The following PCDHA7 variants were observed in gnomAD, a reference collection of about 807,000 sequenced individuals.
PCDHA7 encodes protocadherin alpha 7.
Under a neutral mutation model 57.2 loss-of-function variants are expected in PCDHA7, and 37 were observed. That is an observed-to-expected ratio of 0.65 (90% CI 0.50 to 0.85). PCDHA7 has a LOEUF of 0.85. Among genes scored for constraint, PCDHA7 ranks in the 40% least tolerant of loss-of-function variants. The pLI is 0.00. For synonymous variants in PCDHA7, 553 were observed against 558.8 expected, an observed-to-expected ratio of 0.99 and a Z score of 0.15; for missense variants, 1,188 against 1,241.8, an observed-to-expected ratio of 0.96 and a Z score of 0.65.
At chr5:140,858,877 T>C (rs1192816588) in intron 1 of PCDHA7, 1 of 245,498 alleles carries the variant, frequency 4.1e-6, no homozygotes, top group Non-Finnish European at 7.9e-6. Context: ...TGTGTTTTCC[T>C]CCATGTGTAG....
chr5:140,869,502 C>T lies in PCDHA7; in HGVS notation c.2355+32764C>T, dbSNP rs2051182557. 3 of 1,614,090 alleles carry T rather than the reference C, an allele frequency of 1.9e-6. No homozygotes were observed. In the African/African-American group the frequency reaches 4.0e-5, roughly 22 times the overall value. On this transcript the variant is annotated intron_variant, in intron 1 of 3. Transcript: ENST00000525929. Reference sequence around the variant, plus strand: ...ACATTAACGACAACCCGCCGGTGTTCTCGCTCAGAGAACAAAAGCTGCTGA... The same window carrying T: ...ACATTAACGACAACCCGCCGGTGTTTTCGCTCAGAGAACAAAAGCTGCTGA...
At chr5:141,004,492 A>G (rs2098168083) in intron 3 of PCDHA7, among the ~76,000 whole-genome samples, 2 of 152,230 alleles carry the variant, frequency 1.3e-5, no homozygotes, top group South Asian at 2.1e-4. Context: ...AACTCTTGGC[A>G]GTCCTGCTGT....
rs1554178111 is a variant in PCDHA7 at position 140,883,417 on chromosome 5, A to G, written c.2355+46679A>G. On this transcript the variant is annotated intron_variant, in intron 1 of 3. Transcript: ENST00000525929. Reference sequence around the variant, plus strand: ...CCGATCGTGACTCTGGCTCAAATGGACAGGTCACCTGCACCTTGACGCCGC... The same window carrying G: ...CCGATCGTGACTCTGGCTCAAATGGGCAGGTCACCTGCACCTTGACGCCGC... 3.1e-6 allele frequency: 5 copies of G among 1,614,146 alleles called. No homozygotes were observed. The South Asian group carries it at 5.5e-5, about 18-fold the overall frequency.
rs1486242200 is a variant in PCDHA7, at chr5:140,900,929, A to G, written c.2355+64191A>G. ...CTGTGGTAAGATGATATCTCATTGT[A>G]GTTTTGATTTGCATTTCTCTGATTA... On this transcript the variant is annotated intron_variant, in intron 1 of 3. Coordinates refer to ENST00000525929, the MANE Select transcript of PCDHA7 (RefSeq NM_018910.3). Among the ~76,000 whole-genome samples, 8 of 152,104 alleles carry G rather than the reference A, an allele frequency of 5.3e-5. No individual in the cohort carries two copies. The East Asian group carries it at 1.5e-3, about 29-fold the overall frequency.
intron 1 of PCDHA7, among the ~76,000 whole-genome samples, chr5:140,874,171 G>C (rs2054750145): frequency 6.6e-6 from 1 of 152,080 alleles, no homozygotes; most frequent in Admixed American, 6.5e-5. Flanking sequence ...ACTCTTTCCT[G>C]GTGTTGTAAA....
chr5:140,850,133 C>T, intron 1 of PCDHA7: 1 of 1,595,806 alleles, frequency 6.3e-7, no homozygotes, highest in Non-Finnish European at 8.6e-7. Flanking sequence ...CGCCTCTGGG[C>T]AGCAACGTGA....
In PCDHA7 at chr5:140,857,482, G is replaced by A. The variant is rs782347083; in HGVS notation, c.2355+20744G>A. On this transcript the variant is annotated intron_variant, in intron 1 of 3. Transcript: ENST00000525929. ...GCTGCCACATCTTCACGGTGTCTGC[G>A]TGGGACGCGGACGCGCAGGAGAACG... 2.3e-5 allele frequency: 36 copies of A among 1,598,422 alleles called. 1 individual carries two copies. The highest frequency in any genetic ancestry group is 2.6e-5 in the Non-Finnish European group (30 of 1,167,890).
At chr5:140,946,546 A>G (rs1418590491) in intron 1 of PCDHA7, among the ~76,000 whole-genome samples, 5 of 150,480 alleles carry the variant, frequency 3.3e-5, no homozygotes, top group Admixed American at 1.3e-4. Flanking sequence ...AGCATTATTC[A>G]TGATAGTTCA....
At chr5:140,877,724 C>A in intron 1 of PCDHA7, 1 of 1,614,150 alleles carries the variant, frequency 6.2e-7, no homozygotes, top group Non-Finnish European at 8.5e-7. Context: ...TGGTCTTACT[C>A]GCAGCAGAGG....
At chr5:141,005,809 C>T (rs1554260384) in intron 3 of PCDHA7, among the ~76,000 whole-genome samples, 1 of 150,480 alleles carries the variant, frequency 6.6e-6, no homozygotes, top group Admixed American at 6.6e-5. Flanking sequence ...TCCAAGGAGC[C>T]AGGTATGGTG....
intron 3 of PCDHA7, among the ~76,000 whole-genome samples, chr5:140,991,067 A>C (rs2097429962): frequency 6.6e-6 from 1 of 152,184 alleles, no homozygotes; most frequent in Admixed American, 6.5e-5. Flanking sequence ...TATTATTCCC[A>C]TGTTTCAGAT....
intron 1 of PCDHA7, among the ~76,000 whole-genome samples, chr5:140,964,381 T>C (rs1008874330): frequency 1.3e-5 from 2 of 152,176 alleles, no homozygotes. Flanking sequence ...AGGAGAGTCC[T>C]GGTTTTTCTC....
At chr5:140,934,171 A>C (rs965826085) in intron 1 of PCDHA7, among the ~76,000 whole-genome samples, 11 of 152,160 alleles carry the variant, frequency 7.2e-5, no homozygotes, top group African/African-American at 2.7e-4. Context: ...GTGCAACAGA[A>C]GTACTCTAAA....
chr5:140,994,460 T>C (rs1260062613), intron 3 of PCDHA7, among the ~76,000 whole-genome samples: 1 of 152,124 alleles, frequency 6.6e-6, no homozygotes, highest in African/African-American at 2.4e-5. Context: ...CCCAGCACTT[T>C]GGGAGGCTGA....
intron 1 of PCDHA7, chr5:140,851,710 G>T: frequency 2.1e-6 from 2 of 958,600 alleles, no homozygotes; most frequent in Middle Eastern, 5.5e-4. Flanking sequence ...GCCATGTGAA[G>T]ATTCGAAACT....
intron 1 of PCDHA7, chr5:140,967,835 G>T: frequency 6.2e-7 from 1 of 1,614,142 alleles, no homozygotes; most frequent in Non-Finnish European, 8.5e-7. Flanking sequence ...GGACATCGTG[G>T]ACGTGAATGA....
intron 1 of PCDHA7, chr5:140,871,324 T>G (rs1554165430): frequency 3.1e-6 from 5 of 1,614,048 alleles, no homozygotes; most frequent in Non-Finnish European, 4.2e-6. Flanking sequence ...GCTGGTGTGC[T>G]CCCGCGCGGT....
chr5:140,836,796 CCTT>C (rs2150270187), intron 1 of PCDHA7, 58 bp downstream of exon 1: 1 of 1,377,882 alleles, frequency 7.3e-7, no homozygotes, highest in Non-Finnish European at 9.9e-7. Flanking sequence ...CAATTGGTCT[CCTT>C]AAATTTTCTT....
At chr5:140,868,864 A>C (rs1554162257) in intron 1 of PCDHA7, 10 of 549,766 alleles carry the variant, frequency 1.8e-5, no homozygotes, top group Non-Finnish European at 1.8e-5. Context: ...TGGTAAATGC[A>C]GTGCACAGTA....
Sources: allele counts gnomAD v4.1 joint callset (sites outside exome capture counted in the v4.1 genomes callset), GRCh38; gene constraint gnomAD v4.1.1; transcripts MANE v1.5; gene names NCBI Gene and HGNC (gene_info 2026-07-23, HGNC 2026-07-21).